WDR97: variants seen among roughly 807,000 people sequenced by gnomAD.
WDR97 encodes the protein WD repeat-containing protein 97.
A neutral mutation model predicts 65.4 loss-of-function variants in WDR97; 111 were observed. The observed-to-expected ratio is 1.70, with a 90% CI of 1.45 to 1.99. The LOEUF is 1.99. Ranked by LOEUF, WDR97 falls within the 30% of genes most tolerant of loss-of-function variation. The probability of loss-of-function intolerance (pLI) is 0.00; values close to 1 mark genes in which losing one functional copy is unlikely to be tolerated. For synonymous variants in WDR97, 802 were observed against 397.7 expected (o/e 2.02, Z -12.10); for missense variants, 1,674 against 865.0 (o/e 1.94, Z -11.73).
intron 1 of WDR97, 84 bp from the exon 2 acceptor site, chr8:144,107,975 G>A (rs1330788928): frequency 1.4e-6 from 1 of 701,274 alleles, no homozygotes. Flanking sequence ...GGTAGGGCAG[G>A]GCCCCTGGAG....
rs772025191 is a variant in WDR97 at position 144,114,249 on chromosome 8, G to T, written c.3595-29G>T. The T allele has an allele frequency of 7.2e-6, 5 of 695,276 alleles. No individual in the cohort carries two copies. The African/African-American group carries it at 8.8e-5, about 12-fold the overall frequency. The allele number at this position is 695,276 out of a possible 1,614,324, so 43.1% of individuals were successfully genotyped here. A position where few individuals can be genotyped will look rare whatever the true frequency, so the allele number is the denominator to read the frequency against. On this transcript the variant is annotated intron_variant, in intron 18 of 23. Coordinates refer to ENST00000323662, the MANE Select transcript of WDR97 (RefSeq NM_001316309.2). ...AGGGGCTGGCTTGGGTGTGACATGGGAGCAGGGCCTCAGCATGCTACCCTG... is the reference window on the plus strand; with the variant it reads ...AGGGGCTGGCTTGGGTGTGACATGGTAGCAGGGCCTCAGCATGCTACCCTG...
At chr8:144,112,661 G>A (rs1214683041) in intron 15 of WDR97, 131 bp downstream of exon 15, 1 of 655,786 alleles carries the variant, frequency 1.5e-6, no homozygotes, top group East Asian at 2.7e-5. Flanking sequence ...ACAACCAGAG[G>A]GCCAGGCTGT....
In WDR97 at chr8:144,108,605, A is replaced by G; in HGVS notation, c.539A>G (p.Asn180Ser). 4.3e-6 allele frequency: 3 copies of G among 700,628 alleles called. 1 individual carries two copies. Among genetic ancestry groups the G allele is most frequent in the East Asian group, 5.4e-5 (2 of 37,236 alleles). The allele number at this position is 700,628 out of a possible 1,614,324, so 43.4% of individuals were successfully genotyped here. ...GCGGGGCTGGCAATTCTGAGGCCCA[A>G]CCTCAGCCTGCTGTGGCTGAGCGAG... ...GPAGLAILRP[N>S]LSLLWLSEQG... The change falls in exon 3 of 24, where the codon AAC (asparagine) becomes AGC (serine). Residue 180 changes from asparagine (N) to serine (S), a missense_variant. By Grantham distance (46) the Asn-to-Ser change is conservative. Transcript: ENST00000323662.
At chr8:144,110,609 C>T (rs914785859) in intron 7 of WDR97, 32 bp downstream of exon 7, 3 of 702,740 alleles carry the variant, frequency 4.3e-6, no homozygotes, top group Non-Finnish European at 7.8e-6. Flanking sequence ...AGCCCAGCCA[C>T]CGCCCAGCTC....
Position 144,108,710 on chromosome 8 carries a change from A to C in WDR97, c.644A>C (p.Glu215Ala), listed in dbSNP as rs1218668571. The change falls in exon 3 of 24, where the codon GAG becomes GCG. Residue 215 changes from glutamate (E) to alanine (A), a missense_variant. Physicochemically the swap from Glu to Ala is moderately radical, Grantham distance 107 (BLOSUM62 -1). Transcript: ENST00000323662. Reference protein sequence around the residue: ...VPDLRLLLVAEMNSSLALWQF... With the variant: ...VPDLRLLLVAAMNSSLALWQF... ...GACCTCAGGCTGCTGCTCGTTGCGG[A>C]GATGAACAGCAGCCTGGCGCTCTGG... 4 of 700,890 alleles carry C rather than the reference A, an allele frequency of 5.7e-6. No individual in the cohort carries two copies. The highest frequency in any genetic ancestry group is 1.0e-5 in the Non-Finnish European group (4 of 384,580). The allele number at this position is 700,890 out of a possible 1,614,324, so 43.4% of individuals were successfully genotyped here.
chr8:144,109,915 G>A lies in WDR97; in HGVS notation c.1581G>A (p.Leu527=), dbSNP rs1836510856. Residue 527 remains leucine, a synonymous_variant, in exon 5 of 24, where the codon CTG becomes CTA. Transcript: ENST00000323662. ...PPPPAPQPCC[L]HLYSHLTDLE... ...CCCCTGCGCCGCAGCCTTGCTGTCTGCACCTGTACAGCCACCTCACGGATC... is the reference window on the plus strand; with the variant it reads ...CCCCTGCGCCGCAGCCTTGCTGTCTACACCTGTACAGCCACCTCACGGATC... 2 of 702,040 alleles carry A rather than the reference G, an allele frequency of 2.8e-6. No homozygotes were observed. The highest frequency in any genetic ancestry group is 5.2e-6 in the Non-Finnish European group (2 of 384,636). 43.5% of individuals were successfully genotyped at this position (702,040 alleles called of 1,614,324 possible).
chr8:144,116,241 C>T lies in WDR97; in HGVS notation c.4817C>T (p.Ala1606Val), dbSNP rs1836664577. ...RPLPPRLLQP[A>V]LQRYFLPADA... The stretch of plus-strand genomic sequence containing the variant: ...CTGCCCCCGCGGCTCCTGCAGCCGG[C>T]CCTGCAGCGCTACTTTCTGCCAGCG... The change falls in exon 24 of 24, where the codon GCC becomes GTC. Residue 1606 changes from alanine (A) to valine (V), a missense_variant. Coordinates refer to ENST00000323662, the MANE Select transcript of WDR97 (RefSeq NM_001316309.2). 7 of 676,624 alleles carry T rather than the reference C, an allele frequency of 1.0e-5. No homozygotes were observed. The highest frequency in any genetic ancestry group is 6.1e-5 in the South Asian group (4 of 65,056). 41.9% of individuals were successfully genotyped at this position (676,624 alleles called of 1,614,324 possible). A position where few individuals can be genotyped will look rare whatever the true frequency, so the allele number is the denominator to read the frequency against.
intron 2 of WDR97, 29 bp from the exon 3 acceptor site, chr8:144,108,283 TTTGA>T (rs1383079077): frequency 2.9e-6 from 2 of 690,916 alleles, no homozygotes. Context: ...AGCCCCAACC[TTTGA>T]TTGCGGGCCC....
rs1398978231 is a variant in WDR97 at position 144,109,750 on chromosome 8, G to C, written c.1416G>C (p.Glu472Asp). 1 of 680,550 alleles carries C rather than the reference G, an allele frequency of 1.5e-6. No individual in the cohort carries two copies. 42.2% of individuals were successfully genotyped at this position (680,550 alleles called of 1,614,324 possible). A position where few individuals can be genotyped will look rare whatever the true frequency, so the allele number is the denominator to read the frequency against. Residue 472 changes from glutamate (E) to aspartate (D), a missense_variant, in exon 5 of 24, where the codon GAG becomes GAC. Coordinates refer to ENST00000323662, the MANE Select transcript of WDR97 (RefSeq NM_001316309.2). ...GCATAGTGAGCTCACTGCTGCTGGA[G>C]CCGGAGGACTGCGCGGCAGCCGTGG... Reference protein sequence around the residue: ...TGRIVSSLLLEPEDCAAAVAY... With the variant: ...TGRIVSSLLLDPEDCAAAVAY...
chr8:144,116,178 A>C lies in WDR97; in HGVS notation c.4754A>C (p.Gln1585Pro), dbSNP rs1179843471. The C allele has an allele frequency of 4.3e-6, 3 of 700,238 alleles. No homozygotes were observed. The highest frequency in any genetic ancestry group is 2.0e-5 in the Admixed American group (1 of 49,824). The allele number at this position is 700,238 out of a possible 1,614,324, so 43.4% of individuals were successfully genotyped here. Residue 1585 changes from glutamine (Q) to proline (P), a missense_variant, in exon 24 of 24, where the codon CAG becomes CCG. Coordinates refer to ENST00000323662, the MANE Select transcript of WDR97 (RefSeq NM_001316309.2). ...CTGCCGTTGCCGCGTGTGGAGCCGC[A>C]GCCTTTCCCCCTGGACTGGCCTATG... is the stretch of plus-strand genomic sequence containing the variant. ...LKLPLPRVEPQPFPLDWPMPP... is the reference protein window; with the variant it reads ...LKLPLPRVEPPPFPLDWPMPP...
At chr8:144,112,718 C>T (rs548896038) in intron 15 of WDR97, 188 bp downstream of exon 15, 1 of 606,786 alleles carries the variant, frequency 1.6e-6, no homozygotes, top group Non-Finnish European at 3.0e-6. Flanking sequence ...CTCTGTCTAG[C>T]CCTGTTCCAG....
In WDR97 at chr8:144,108,881, C is replaced by T. The variant is rs1271581379; in HGVS notation, c.815C>T (p.Ala272Val). 7.1e-6 allele frequency: 5 copies of T among 702,816 alleles called. No individual in the cohort carries two copies. Among genetic ancestry groups the T allele is most frequent in the African/African-American group, 1.7e-5 (1 of 57,282 alleles). The allele number at this position is 702,816 out of a possible 1,614,324, so 43.5% of individuals were successfully genotyped here. The change falls in exon 3 of 24, where the codon GCC (alanine) becomes GTC (valine). Residue 272 changes from alanine to valine, a missense_variant. Transcript: ENST00000323662. ...CGCTGCTTCGCGGCCTATGGCTCGG[C>T]CGTGCTCACCTTCGATCTGCATGCC... The part of the protein sequence containing the change: ...VLRCFAAYGS[A>V]VLTFDLHAWT...
At chr8:144,111,578 C>T in intron 11 of WDR97, 54 bp from the exon 12 acceptor site, 1 of 680,266 alleles carries the variant, frequency 1.5e-6, no homozygotes, top group Non-Finnish European at 2.7e-6. Flanking sequence ...GTTGCCCGGG[C>T]AGCACATAGC....
In WDR97 at chr8:144,114,947, C is replaced by T. The variant is rs764104934; in HGVS notation, c.4077+36C>T. On this transcript the variant is annotated intron_variant, in intron 21 of 23. Coordinates refer to ENST00000323662, the MANE Select transcript of WDR97 (RefSeq NM_001316309.2). ...CAGGGGCCGGGGGGGCCTTGGGAACCCTGTTGCCTTCTCTGGCTTTCTGCA... is the reference window on the plus strand; with the variant it reads ...CAGGGGCCGGGGGGGCCTTGGGAACTCTGTTGCCTTCTCTGGCTTTCTGCA... The T allele has an allele frequency of 6.1e-6, 4 of 653,134 alleles. No homozygotes were observed. The South Asian group carries it at 6.7e-5, about 11-fold the overall frequency. 40.5% of individuals were successfully genotyped at this position (653,134 alleles called of 1,614,324 possible).
chr8:144,116,940 C>A lies in WDR97; in HGVS notation c.*647C>A, dbSNP rs1013630968. 1 of 152,324 alleles carries A rather than the reference C, an allele frequency of 6.6e-6. No homozygotes were observed. Among genetic ancestry groups the A allele is most frequent in the Non-Finnish European group, 1.5e-5 (1 of 68,120 alleles). The allele number at this position is 152,324 out of a possible 1,614,324, so 9.4% of individuals were successfully genotyped here. Reference sequence around the variant, plus strand: ...CTGTGTGGCCTGGCAGGGCGCAAGACCTGTGCACAGAGTTCTTGGGGCAGC... The same window carrying A: ...CTGTGTGGCCTGGCAGGGCGCAAGAACTGTGCACAGAGTTCTTGGGGCAGC... On this transcript the variant is annotated 3_prime_UTR_variant, in exon 24 of 24. Coordinates refer to ENST00000323662, the MANE Select transcript of WDR97 (RefSeq NM_001316309.2).
At chr8:144,107,902 G>A (rs765830808) in intron 1 of WDR97, 40 bp downstream of exon 1, 73 of 702,676 alleles carry the variant, frequency 1.0e-4, no homozygotes, top group Middle Eastern at 2.3e-4. Context: ...ATCCCGCTAG[G>A]AAGTGGGTCT....
In WDR97 at chr8:144,113,798, G is replaced by A. The variant is rs1232788442; in HGVS notation, c.3325G>A (p.Glu1109Lys). ...EDKKEEEEEK[E>K]DEELDWALAS... ...CAAGAAGGAAGAGGAGGAGGAGAAG[G>A]AAGACGAGGAGCTGGACTGGGCCTT... The change falls in exon 17 of 24, where the codon GAA becomes AAA. Residue 1109 changes from glutamate to lysine, a missense_variant. Glu to Lys is a moderately conservative substitution (Grantham distance 56, BLOSUM62 1). Transcript: ENST00000323662. 2.8e-6 allele frequency: 2 copies of A among 702,726 alleles called. No individual in the cohort carries two copies. The highest frequency in any genetic ancestry group is 2.0e-5 in the Admixed American group (1 of 49,978). The allele number at this position is 702,726 out of a possible 1,614,324, so 43.5% of individuals were successfully genotyped here. A position where few individuals can be genotyped will look rare whatever the true frequency, so the allele number is the denominator to read the frequency against.
Position 144,111,660 on chromosome 8 carries a change from G to A in WDR97, c.2516G>A (p.Arg839Gln), listed in dbSNP as rs1018217732. The change falls in exon 12 of 24, where the codon CGA (arginine) becomes CAA (glutamine). Residue 839 changes from arginine (R) to glutamine (Q), a missense_variant. By Grantham distance (43) the Arg-to-Gln change is conservative. Transcript: ENST00000323662. Reference protein sequence around the residue: ...EDLDAIVARDRDLQQLRLGLV... With the variant: ...EDLDAIVARDQDLQQLRLGLV... The stretch of plus-strand genomic sequence containing the variant: ...TTGGACGCCATAGTGGCCCGGGACC[G>A]AGACCTTCAGCAGTTGAGGCTGGGG... The A allele has an allele frequency of 3.3e-5, 23 of 697,252 alleles. No homozygotes were observed. Among genetic ancestry groups the A allele is most frequent in the East Asian group, 8.1e-5 (3 of 37,204 alleles). 43.2% of individuals were successfully genotyped at this position (697,252 alleles called of 1,614,324 possible). A position where few individuals can be genotyped will look rare whatever the true frequency, so the allele number is the denominator to read the frequency against.
In WDR97 at chr8:144,114,899, C is replaced by T; in HGVS notation, c.4065C>T (p.Ile1355=). Residue 1355 remains isoleucine, a synonymous_variant, in exon 21 of 24, where the codon ATC becomes ATT. Coordinates refer to ENST00000323662, the MANE Select transcript of WDR97 (RefSeq NM_001316309.2). ...TCCHQKLEDM[I]QELQETPSQT... is the part of the protein sequence containing the mutation. ...GCCACCAGAAACTGGAGGACATGAT[C>T]CAGGAGCTTCAGGTTGGGCCGGCAG... 1 of 695,908 alleles carries T rather than the reference C, an allele frequency of 1.4e-6. No homozygotes were observed. Among genetic ancestry groups the T allele is most frequent in the African/African-American group, 1.8e-5 (1 of 56,966 alleles). 43.1% of individuals were successfully genotyped at this position (695,908 alleles called of 1,614,324 possible). A position where few individuals can be genotyped will look rare whatever the true frequency, so the allele number is the denominator to read the frequency against.
Sources: gnomAD v4.1 joint callset for allele counts on GRCh38, gnomAD v4.1.1 for gene constraint, MANE v1.5 for transcripts, NCBI Gene and HGNC (gene_info 2026-07-23, HGNC 2026-07-21) for gene names.